The following GORASP2 variants were observed in gnomAD, a reference collection of about 807,000 sequenced individuals.
GORASP2 encodes golgi reassembly stacking protein 2.
Under a neutral mutation model 45.7 loss-of-function variants are expected in GORASP2, and 22 were observed. The observed-to-expected ratio is 0.48, with a 90% CI of 0.34 to 0.69. The LOEUF (loss-of-function observed/expected upper bound fraction) is 0.69. Ranked by LOEUF, GORASP2 falls within the 30% of genes least tolerant of loss-of-function variation. The pLI is 0.01. For missense variants in GORASP2, 491 were observed against 562.7 expected (o/e 0.87, Z 1.29); for synonymous variants, 221 against 215.6 (o/e 1.02, Z -0.22).
intron 1 of GORASP2, among the ~76,000 whole-genome samples, chr2:170,934,112 A>G (rs1189170988): frequency 1.3e-5 from 2 of 152,182 alleles, no homozygotes; most frequent in African/African-American, 4.8e-5. Context: ...GTGCCTAACT[A>G]ACCTATCTGC....
At chr2:170,931,514 T>G (rs3770441) in intron 1 of GORASP2, among the ~76,000 whole-genome samples, 31,671 of 152,160 alleles carry the variant, frequency 0.21, 3,930 homozygotes, top group Non-Finnish European at 0.29. Flanking sequence ...ATCACCCATA[T>G]TCAACAAGTT....
At chr2:170,936,284 T>G (rs895336183) in intron 1 of GORASP2, among the ~76,000 whole-genome samples, 96 of 151,156 alleles carry the variant, frequency 6.4e-4, no homozygotes, top group Non-Finnish European at 1.3e-3. Context: ...TGGAGTGTTG[T>G]GGTGTGGTCA....
intron 7 of GORASP2, among the ~76,000 whole-genome samples, chr2:170,960,693 C>T (rs1704537087): frequency 6.6e-6 from 1 of 152,212 alleles, no homozygotes; most frequent in Non-Finnish European, 1.5e-5. Flanking sequence ...GAGTAGAGAA[C>T]AGCTTCTTTT....
chr2:170,939,571 T>C (rs1388513137), intron 1 of GORASP2, among the ~76,000 whole-genome samples: 2 of 152,244 alleles, frequency 1.3e-5, no homozygotes, highest in East Asian at 3.8e-4. Context: ...TAGATTGTTC[T>C]GTTTTATATT....
intron 7 of GORASP2, among the ~76,000 whole-genome samples, chr2:170,957,513 T>C (rs960126015): frequency 2.0e-5 from 3 of 152,210 alleles, no homozygotes; most frequent in Admixed American, 2.0e-4. Flanking sequence ...TGACCTCAGG[T>C]GATCTGCCCT....
intron 1 of GORASP2, among the ~76,000 whole-genome samples, chr2:170,939,283 G>T (rs181086032): frequency 4.4e-4 from 67 of 152,284 alleles, no homozygotes; most frequent in Middle Eastern, 3.4e-3. Context: ...TTATGTCAGG[G>T]TTAGTGTCAG....
upstream of GORASP2, chr2:170,928,562 T>C (rs1342161981): frequency 3.9e-5 from 6 of 152,022 alleles, no homozygotes; most frequent in Admixed American, 3.9e-4. Context: ...CTGAAGGAGG[T>C]AGGACGGGGA....
In GORASP2 at chr2:170,935,686, C is replaced by T. The variant is rs553296228; in HGVS notation, c.63+6283C>T. 4.0e-5 allele frequency among the ~76,000 whole-genome samples: 6 copies of T among 151,750 alleles called. 1 individual carries two copies. The highest frequency in any genetic ancestry group is 1.9e-4 in the East Asian group (1 of 5,150). ...CTCCCAGGCTCAAGTGATCCTCCCC[C>T]CTCTCAGCCTCCCCAGTAGCTGGGA... On this transcript the variant is annotated intron_variant, in intron 1 of 9. Transcript: ENST00000234160.
intron 1 of GORASP2, chr2:170,936,764 G>A (rs1176399563): frequency 8.8e-6 from 5 of 569,934 alleles, no homozygotes; most frequent in African/African-American, 1.9e-5. Context: ...ACCACGCTGG[G>A]CAACATAATG....
chr2:170,938,040 A>G (rs1703995876), intron 1 of GORASP2, among the ~76,000 whole-genome samples: 1 of 152,236 alleles, frequency 6.6e-6, no homozygotes, highest in Non-Finnish European at 1.5e-5. Flanking sequence ...TACCTTTTCC[A>G]CTAAAAAACA....
chr2:170,944,962 A>G (rs1443158665), intron 1 of GORASP2, among the ~76,000 whole-genome samples: 1 of 152,126 alleles, frequency 6.6e-6, no homozygotes, highest in Non-Finnish European at 1.5e-5. Flanking sequence ...TCTAATTGAT[A>G]ACCACCTAAT....
At chr2:170,938,925 G>A (rs184307296) in intron 1 of GORASP2, among the ~76,000 whole-genome samples, 19 of 152,200 alleles carry the variant, frequency 1.2e-4, no homozygotes, top group Admixed American at 9.8e-4. Flanking sequence ...CCCAGGAGGC[G>A]GAGGTTGCTG....
intron 1 of GORASP2, among the ~76,000 whole-genome samples, chr2:170,944,081 T>C (rs928578126): frequency 5.3e-5 from 8 of 152,176 alleles, no homozygotes; most frequent in African/African-American, 1.2e-4. Flanking sequence ...ATATAGACTT[T>C]TAGTTAAGAT....
chr2:170,965,010 T>A (rs994141388), intron 9 of GORASP2, among the ~76,000 whole-genome samples: 1 of 142,892 alleles, frequency 7.0e-6, no homozygotes, highest in African/African-American at 2.5e-5. Context: ...CAAGCAGTCC[T>A]CCCACCTCAG....
chr2:170,938,393 G>A (rs1704002354), intron 1 of GORASP2, among the ~76,000 whole-genome samples: 1 of 152,170 alleles, frequency 6.6e-6, no homozygotes, highest in African/African-American at 2.4e-5. Context: ...GTAAGTTTGA[G>A]GTCAGATCTG....
chr2:170,943,298 T>G (rs928217779), intron 1 of GORASP2, among the ~76,000 whole-genome samples: 1 of 152,254 alleles, frequency 6.6e-6, no homozygotes, highest in Non-Finnish European at 1.5e-5. Flanking sequence ...TTATTTTTTC[T>G]TTTTAAGAGT....
chr2:170,933,011 T>C (rs1703863654), intron 1 of GORASP2, among the ~76,000 whole-genome samples: 2 of 152,072 alleles, frequency 1.3e-5, no homozygotes, highest in Admixed American at 6.5e-5. Context: ...ATAAACAAGG[T>C]TGTCTAAAAA....
At chr2:170,942,447 C>T (rs560763042) in intron 1 of GORASP2, among the ~76,000 whole-genome samples, 54 of 152,212 alleles carry the variant, frequency 3.5e-4, no homozygotes, top group African/African-American at 1.2e-3. Flanking sequence ...TTGTCTATTG[C>T]GGACATTTCA....
At chr2:170,951,500 ACCAG>A in intron 5 of GORASP2, 42 bp downstream of exon 5, 1 of 1,456,106 alleles carries the variant, frequency 6.9e-7, no homozygotes, top group Non-Finnish European at 9.4e-7. Context: ...GCTTAAACAT[ACCAG>A]TCAGATATGT....
Sources: gnomAD v4.1 joint callset for allele counts (sites outside exome capture counted in the v4.1 genomes callset) on GRCh38, gnomAD v4.1.1 for gene constraint, MANE v1.5 for transcripts, NCBI Gene and HGNC (gene_info 2026-07-23, HGNC 2026-07-21) for gene names.